TMEM39A: variants seen among roughly 807,000 people sequenced by gnomAD.
TMEM39A encodes suppressor of SQST-1 aggregates in rpl-43 mutants.
In TMEM39A, 19 loss-of-function variants were observed where a neutral mutation model predicts 51.9. The ratio of observed to expected loss-of-function variants is 0.37; its 90% CI spans 0.26 to 0.54. TMEM39A has a LOEUF of 0.54. TMEM39A is among the 20% of genes least tolerant of loss of function. The pLI is 0.88. For synonymous variants in TMEM39A, 197 were observed against 220.2 expected (o/e 0.89, Z 0.93); for missense variants, 433 against 590.5 (o/e 0.73, Z 2.76).
chr3:119,432,234 G>C lies in TMEM39A; in HGVS notation c.1234-20C>G. 1 of 1,545,366 alleles carries C rather than the reference G, an allele frequency of 6.5e-7. No individual in the cohort carries two copies. On this transcript the variant is annotated intron_variant, in intron 8 of 8. Coordinates refer to ENST00000319172, the MANE Select transcript of TMEM39A (RefSeq NM_018266.3). ...TAAGAACTGTAAGGAAGTTAAAAAA[G>C]TAAAACATTATTTCATAGAAAAGTA...
In TMEM39A at chr3:119,430,979, T is replaced by C. The variant is rs966483742; in HGVS notation, c.*1002A>G. ...CCATAACTTAAAAGGCTAATACTCA[T>C]AAACATGAAAGTTCTGGAGTATGAA... On this transcript the variant is annotated 3_prime_UTR_variant, in exon 9 of 9. Coordinates refer to ENST00000319172, the MANE Select transcript of TMEM39A (RefSeq NM_018266.3). The C allele has an allele frequency of 2.6e-5, 4 of 152,164 alleles. No homozygotes were observed. Among genetic ancestry groups the C allele is most frequent in the Non-Finnish European group, 1.5e-5 (1 of 68,006 alleles). The allele number at this position is 152,164 out of a possible 1,614,324, so 9.4% of individuals were successfully genotyped here. A position where few individuals can be genotyped will look rare whatever the true frequency, so the allele number is the denominator to read the frequency against.
At chr3:119,433,112 C>CAGATCTAA (rs752720939) in intron 8 of TMEM39A, among the ~76,000 whole-genome samples, 24 of 152,164 alleles carry the variant, frequency 1.6e-4, no homozygotes, top group Non-Finnish European at 3.5e-4. Context: ...CAGCAGTGAT[C>CAGATCTAA]AGATCTAAAA....
In TMEM39A at chr3:119,434,831, T is replaced by C. The variant is rs2080947309; in HGVS notation, c.1164A>G (p.Arg388=). The change falls in exon 8 of 9, where the codon AGA becomes AGG. Residue 388 remains arginine (R), a synonymous_variant. Transcript: ENST00000319172. The part of the protein sequence containing the change: ...WPQGVLVRHS[R]CLYRAMGPYN... ...AAGGCCCCATGGCTCTATATAAACA[T>C]CTGCTGTGCCGCACCAGCACCCCTT... is the stretch of plus-strand genomic sequence containing the variant. 1 of 1,613,808 alleles carries C rather than the reference T, an allele frequency of 6.2e-7. No individual in the cohort carries two copies. The highest frequency in any genetic ancestry group is 1.3e-5 in the African/African-American group (1 of 75,038).
Position 119,438,091 on chromosome 3 carries a change from A to T in TMEM39A, c.588T>A (p.Tyr196Ter). 1 of 1,588,080 alleles carries T rather than the reference A, an allele frequency of 6.3e-7. No individual in the cohort carries two copies. Among genetic ancestry groups the T allele is most frequent in the Non-Finnish European group, 8.6e-7 (1 of 1,158,976 alleles). ...CTTGATGAAAACAGCAAAGAGGAAC[A>T]TAAACACCAAACCTGTAAAACAAAG... The part of the protein sequence containing the change: ...LLFLGYPFGV[Y>*]VPLCCFHQDS... The change falls in exon 6 of 9, where the codon TAT becomes TAA. Residue 196 changes from tyrosine to a stop codon, truncating the protein, a stop_gained. Coordinates refer to ENST00000319172, the MANE Select transcript of TMEM39A (RefSeq NM_018266.3). LOFTEE classifies it high-confidence loss of function.
At chr3:119,446,156 G>A (rs1349586006) in intron 5 of TMEM39A, among the ~76,000 whole-genome samples, 1 of 152,152 alleles carries the variant, frequency 6.6e-6, no homozygotes, top group African/African-American at 2.4e-5. Flanking sequence ...CATTCTTACA[G>A]TAAATCTTAG....
chr3:119,461,055 A>T (rs1253808756), intron 2 of TMEM39A, among the ~76,000 whole-genome samples: 1 of 152,230 alleles, frequency 6.6e-6, no homozygotes, highest in African/African-American at 2.4e-5. Context: ...TCCTGCTATG[A>T]TGCAAACAGT....
At position 119,451,342 on chromosome 3, in the gene TMEM39A, G is replaced by A. The variant is rs185637380; in HGVS notation, c.420+1105C>T. 8,598 of 1,228,502 alleles carry A rather than the reference G, an allele frequency of 7.0e-3. 43 individuals carry two copies. The highest frequency in any genetic ancestry group is 7.8e-3 in the Non-Finnish European group (7,325 of 934,124). The allele number at this position is 1,228,502 out of a possible 1,614,324, so 76.1% of individuals were successfully genotyped here. On this transcript the variant is annotated intron_variant, in intron 4 of 8. Coordinates refer to ENST00000319172, the MANE Select transcript of TMEM39A (RefSeq NM_018266.3). ...CCTTCCATGTATGTTTTGGGAAAAAGAAGTTGACTCTCAATTATTTGTGAT... is the reference window on the plus strand; with the variant it reads ...CCTTCCATGTATGTTTTGGGAAAAAAAAGTTGACTCTCAATTATTTGTGAT...
chr3:119,437,800 G>T lies in TMEM39A; in HGVS notation c.879C>A (p.Leu293=). The T allele has an allele frequency of 6.3e-7, 1 of 1,591,738 alleles. No homozygotes were observed. Among genetic ancestry groups the T allele is most frequent in the South Asian group, 1.1e-5 (1 of 89,176 alleles). The change falls in exon 6 of 9, where the codon CTC becomes CTA. Residue 293 remains leucine, a synonymous_variant. Coordinates refer to ENST00000319172, the MANE Select transcript of TMEM39A (RefSeq NM_018266.3). ...GAAATGCAACATAGTAGGCACTGAA[G>T]AGGGAGTTGAAGAGAACCTCCTTGA... ...HRIKEVLFNS[L]FSAYYVAFLP... is the part of the protein sequence containing the mutation.
chr3:119,454,423 T>C (rs765201219), intron 3 of TMEM39A, among the ~76,000 whole-genome samples: 4 of 152,190 alleles, frequency 2.6e-5, no homozygotes, highest in African/African-American at 9.7e-5. Context: ...AAATAATGCA[T>C]GCAGATTCAC....
intron 2 of TMEM39A, 122 bp from the exon 3 acceptor site, chr3:119,458,362 C>T (rs551842787): frequency 5.9e-4 from 449 of 759,598 alleles, no homozygotes; most frequent in South Asian, 2.2e-3. Flanking sequence ...AAGACTCCAT[C>T]CTGGGATCCT....
intron 5 of TMEM39A, among the ~76,000 whole-genome samples, chr3:119,445,040 A>G (rs181088873): frequency 6.6e-5 from 10 of 151,992 alleles, no homozygotes; most frequent in African/African-American, 2.4e-4. Flanking sequence ...AGATCGCTCT[A>G]CTGCACTCCC....
Position 119,435,470 on chromosome 3 carries a change from T to C in TMEM39A, c.1113-588A>G, listed in dbSNP as rs571517581. 3.0e-5 allele frequency: 30 copies of C among 985,180 alleles called. 1 individual carries two copies. In the South Asian group the frequency reaches 1.0e-3, roughly 34 times the overall value. The allele number at this position is 985,180 out of a possible 1,614,324, so 61.0% of individuals were successfully genotyped here. A position where few individuals can be genotyped will look rare whatever the true frequency, so the allele number is the denominator to read the frequency against. On this transcript the variant is annotated intron_variant, in intron 7 of 8. Transcript: ENST00000319172. ...ACTTTTCACTGCTTTCATGGTTTAT[T>C]TTTATAGAGGTTTCTCTGGGGGAAA...
chr3:119,445,286 G>A (rs1292408350), intron 5 of TMEM39A, among the ~76,000 whole-genome samples: 1 of 152,154 alleles, frequency 6.6e-6, no homozygotes, highest in Non-Finnish European at 1.5e-5. Flanking sequence ...TTGAGACAGA[G>A]TCTTGCTCGT....
At chr3:119,443,399 C>A (rs1355084969) in intron 5 of TMEM39A, among the ~76,000 whole-genome samples, 8 of 152,142 alleles carry the variant, frequency 5.3e-5, no homozygotes, top group Non-Finnish European at 1.5e-5. Context: ...TGGCCAACTT[C>A]ACTGTTGTCT....
chr3:119,450,993 A>G (rs2081190986), intron 4 of TMEM39A, among the ~76,000 whole-genome samples: 1 of 152,168 alleles, frequency 6.6e-6, no homozygotes, highest in African/African-American at 2.4e-5. Flanking sequence ...TTGGACATGT[A>G]CAAGTAGCAT....
In TMEM39A at chr3:119,431,049, T is replaced by C. The variant is rs1390004897; in HGVS notation, c.*932A>G. The stretch of plus-strand genomic sequence containing the variant: ...GATATAAATTATCTGAGTACAAAGC[T>C]GTAGGTAATTCTTATCTTTCACTTC... On this transcript the variant is annotated 3_prime_UTR_variant, in exon 9 of 9. Coordinates refer to ENST00000319172, the MANE Select transcript of TMEM39A (RefSeq NM_018266.3). 4.6e-5 allele frequency: 7 copies of C among 152,152 alleles called. No homozygotes were observed. Among genetic ancestry groups the C allele is most frequent in the Admixed American group, 4.6e-4 (7 of 15,270 alleles). The allele number at this position is 152,152 out of a possible 1,614,324, so 9.4% of individuals were successfully genotyped here. A position where few individuals can be genotyped will look rare whatever the true frequency, so the allele number is the denominator to read the frequency against.
chr3:119,452,593 A>C, intron 3 of TMEM39A, 63 bp from the exon 4 acceptor site: 1 of 1,303,412 alleles, frequency 7.7e-7, no homozygotes, highest in East Asian at 2.5e-5. Flanking sequence ...TGGCACTACT[A>C]CAAGAATAGA....
intron 2 of TMEM39A, among the ~76,000 whole-genome samples, chr3:119,459,716 T>C (rs560646142): frequency 6.6e-6 from 1 of 152,312 alleles, no homozygotes; most frequent in South Asian, 2.1e-4. Context: ...CTTGACATTC[T>C]AGAGTTTAAC....
intron 2 of TMEM39A, among the ~76,000 whole-genome samples, chr3:119,461,226 A>C (rs546800696): frequency 4.9e-4 from 75 of 152,186 alleles, no homozygotes; most frequent in Non-Finnish European, 9.1e-4. Context: ...TTTCAGGGAG[A>C]GCTCCACTGA....
Sources: gnomAD v4.1 joint callset for allele counts (sites outside exome capture counted in the v4.1 genomes callset) on GRCh38, gnomAD v4.1.1 for gene constraint, MANE v1.5 for transcripts, NCBI Gene and HGNC (gene_info 2026-07-23, HGNC 2026-07-21) for gene names.